The following DGKB variants were observed in gnomAD, a reference collection of about 807,000 sequenced individuals.
The protein encoded by DGKB is diacylglycerol kinase beta, also known as 90 kDa diacylglycerol kinase.
Under a neutral mutation model 114.3 loss-of-function variants are expected in DGKB, and 67 were observed. That is an observed-to-expected ratio of 0.59 (90% CI 0.48 to 0.72). The LOEUF (loss-of-function observed/expected upper bound fraction) is 0.72, where lower values mean the gene tolerates loss of function less well. Among genes scored for constraint, DGKB ranks in the 30% least tolerant of loss-of-function variants. The pLI, the probability that DGKB is intolerant of heterozygous loss-of-function variation, is 0.00. For missense variants in DGKB, 907 were observed against 975.2 expected, an observed-to-expected ratio of 0.93 and a Z score of 0.93; for synonymous variants, 398 against 323.1, an observed-to-expected ratio of 1.23 and a Z score of -2.49.
chr7:14,584,063 C>A (rs913523656), intron 17 of DGKB, among the ~76,000 whole-genome samples: 19 of 152,172 alleles, frequency 1.2e-4, no homozygotes, highest in African/African-American at 4.3e-4. Flanking sequence ...ACGAATAAAA[C>A]TGTGCTATAC....
intron 23 of DGKB, among the ~76,000 whole-genome samples, chr7:14,280,195 G>A (rs1413533804): frequency 2.6e-5 from 4 of 152,022 alleles, no homozygotes; most frequent in Admixed American, 6.6e-5. Flanking sequence ...ACCAAGGCTC[G>A]AGAACTACGT....
chr7:14,418,838 T>C (rs1009689094), intron 21 of DGKB, among the ~76,000 whole-genome samples: 2 of 152,034 alleles, frequency 1.3e-5, no homozygotes, highest in African/African-American at 2.4e-5. Context: ...AAAATAGATG[T>C]GACAAAAAGG....
At chr7:14,222,439 A>G (rs2128325320) in intron 23 of DGKB, among the ~76,000 whole-genome samples, 1 of 151,396 alleles carries the variant, frequency 6.6e-6, no homozygotes, top group Non-Finnish European at 1.5e-5. Flanking sequence ...CAATGTTAGT[A>G]AATTTCCCAT....
At chr7:14,368,098 T>C (rs938043021) in intron 21 of DGKB, among the ~76,000 whole-genome samples, 4 of 152,166 alleles carry the variant, frequency 2.6e-5, no homozygotes, top group African/African-American at 4.8e-5. Context: ...CACAGCAAAA[T>C]TGTGCAGAAC....
intron 25 of DGKB, 114 bp downstream of exon 25, chr7:14,176,725 T>A (rs2128243920): frequency 6.5e-7 from 1 of 1,532,730 alleles, no homozygotes; most frequent in Non-Finnish European, 8.8e-7. Context: ...ACAAAAAGAC[T>A]ATTTGCTGAT....
rs10225935 is a variant in DGKB at position 14,789,121 on chromosome 7, T to C, written c.71-31390A>G. ...GTTGAAATTTGAGATAACTGCAGATTCACTTGTAGATATAAGGCATAGAGA... is the reference window on the plus strand; with the variant it reads ...GTTGAAATTTGAGATAACTGCAGATCCACTTGTAGATATAAGGCATAGAGA... On this transcript the variant is annotated intron_variant, in intron 2 of 25. Coordinates refer to ENST00000402815, the MANE Select transcript of DGKB (RefSeq NM_001350709.2). 2.3e-3 allele frequency among the ~76,000 whole-genome samples: 346 copies of C among 151,860 alleles called. 1 individual carries two copies. Among genetic ancestry groups the C allele is most frequent in the African/African-American group, 7.9e-3 (328 of 41,416 alleles).
chr7:14,743,589 G>T (rs1423184937), intron 4 of DGKB, among the ~76,000 whole-genome samples: 1 of 152,108 alleles, frequency 6.6e-6, no homozygotes, highest in African/African-American at 2.4e-5. Flanking sequence ...ATTTAACATG[G>T]TTAGGTACAT....
chr7:14,221,322 A>G (rs969069677), intron 23 of DGKB, among the ~76,000 whole-genome samples: 1 of 151,366 alleles, frequency 6.6e-6, no homozygotes, highest in Non-Finnish European at 1.5e-5. Context: ...TTTTACATAG[A>G]AGCCCTTTAT....
At position 14,465,284 on chromosome 7, in the gene DGKB, T is replaced by C. The variant is rs181041947; in HGVS notation, c.1835+12877A>G. The stretch of plus-strand genomic sequence containing the variant: ...TCATTCTCCAAGTACTTTCACATTA[T>C]AGAACTATAATAAATATTTCTCAAG... On this transcript the variant is annotated intron_variant, in intron 21 of 25. Transcript: ENST00000402815. 7.4e-5 allele frequency among the ~76,000 whole-genome samples: 11 copies of C among 149,508 alleles called. No individual in the cohort carries two copies. In the East Asian group the frequency reaches 2.0e-3, roughly 27 times the overall value.
At chr7:14,916,793 C>T (rs776792170) in intron 1 of DGKB, among the ~76,000 whole-genome samples, 1 of 152,002 alleles carries the variant, frequency 6.6e-6, no homozygotes, top group Non-Finnish European at 1.5e-5. Context: ...TCAACTATAT[C>T]TAATTGACAT....
chr7:14,510,350 G>T (rs191222999), intron 20 of DGKB, among the ~76,000 whole-genome samples: 29 of 152,178 alleles, frequency 1.9e-4, no homozygotes, highest in African/African-American at 6.5e-4. Context: ...ATCCTTTGTT[G>T]GCATTTCAAC....
At chr7:14,633,006 T>C (rs1484966201) in intron 13 of DGKB, among the ~76,000 whole-genome samples, 1 of 151,716 alleles carries the variant, frequency 6.6e-6, no homozygotes, top group African/African-American at 2.4e-5. Flanking sequence ...TGGATAATAA[T>C]CCTCCCATTT....
chr7:14,769,214 AAGAGAAAGAGAG>A (rs1562488254), intron 2 of DGKB, among the ~76,000 whole-genome samples: 2 of 135,164 alleles, frequency 1.5e-5, no homozygotes, highest in Non-Finnish European at 1.6e-5. Flanking sequence ...AAAGGAAAGA[AAGAGAAAGAGAG>A]AGAGAAAGAA....
chr7:14,209,085 T>C (rs4719394), intron 23 of DGKB: 79,200 of 178,338 alleles, frequency 0.44, 20,903 homozygotes, highest in African/African-American at 0.76. Context: ...AAACAGAATA[T>C]AATTATAGCT....
At chr7:14,310,228 G>A (rs935128090) in intron 23 of DGKB, among the ~76,000 whole-genome samples, 3 of 152,318 alleles carry the variant, frequency 2.0e-5, no homozygotes, top group African/African-American at 7.2e-5. Context: ...GTGTTGTGGA[G>A]AAGGACATCA....
rs1427661001 is a variant in DGKB, at chr7:14,685,472, T to A, written c.712-110A>T. ...TGAAGCATGTGAAGACAATCTGTTA[T>A]TTCATCCCTGACTTTCTCCAAGATC... On this transcript the variant is annotated intron_variant, in intron 9 of 25. Coordinates refer to ENST00000402815, the MANE Select transcript of DGKB (RefSeq NM_001350709.2). The A allele has an allele frequency of 4.5e-5, 34 of 763,760 alleles. No homozygotes were observed. In the Admixed American group the frequency reaches 7.1e-4, roughly 16 times the overall value. 47.3% of individuals were successfully genotyped at this position (763,760 alleles called of 1,614,324 possible). A position where few individuals can be genotyped will look rare whatever the true frequency, so the allele number is the denominator to read the frequency against.
At chr7:14,795,690 G>T (rs150792869) in intron 2 of DGKB, among the ~76,000 whole-genome samples, 2 of 151,986 alleles carry the variant, frequency 1.3e-5, no homozygotes, top group Non-Finnish European at 2.9e-5. Flanking sequence ...AGGTAGAGCT[G>T]GTTACCTGGC....
intron 20 of DGKB, among the ~76,000 whole-genome samples, chr7:14,567,851 C>A (rs935188144): frequency 1.3e-5 from 2 of 151,980 alleles, no homozygotes; most frequent in South Asian, 4.1e-4. Flanking sequence ...AGGTGATCTG[C>A]CTTCCTTGGC....
At chr7:14,157,843 GAAGTCAAAAACA>G (rs1783252495) in intron 25 of DGKB, among the ~76,000 whole-genome samples, 1 of 152,076 alleles carries the variant, frequency 6.6e-6, no homozygotes, top group African/African-American at 2.4e-5. Flanking sequence ...ATGGAAAATA[GAAGTCAAAAACA>G]TAACAAAACA....
Sources: gnomAD v4.1 joint callset for allele counts (sites outside exome capture counted in the v4.1 genomes callset) on GRCh38, gnomAD v4.1.1 for gene constraint, MANE v1.5 for transcripts, NCBI Gene and HGNC (gene_info 2026-07-23, HGNC 2026-07-21) for gene names.